The following SARDH variants were observed in gnomAD, a reference collection of about 807,000 sequenced individuals.
The protein encoded by SARDH is sarcosine dehydrogenase, also known as sarcosine dehydrogenase, mitochondrial.
In SARDH, 95 loss-of-function variants were observed where a neutral mutation model predicts 109.1. The observed-to-expected ratio is 0.87, with a 90% CI of 0.74 to 1.03. The LOEUF is 1.03. Ranked by LOEUF, SARDH falls within the 50% of genes least tolerant of loss-of-function variation. SARDH has a pLI of 0.00. For missense variants in SARDH, 1,267 were observed against 1,287.8 expected, an observed-to-expected ratio of 0.98 and a Z score of 0.25; for synonymous variants, 572 against 534.8, an observed-to-expected ratio of 1.07 and a Z score of -0.96.
chr9:133,709,383 C>T lies in SARDH; in HGVS notation c.1329-955G>A, dbSNP rs746805992. Among the ~76,000 whole-genome samples the T allele has an allele frequency of 1.4e-4, 21 of 152,198 alleles. No individual in the cohort carries two copies. Among genetic ancestry groups the T allele is most frequent in the African/African-American group, 4.3e-4 (18 of 41,538 alleles). On this transcript the variant is annotated intron_variant, in intron 10 of 20. Coordinates refer to ENST00000439388, the MANE Select transcript of SARDH (RefSeq NM_001134707.2). The surrounding 1 kb of genome is among the most constrained non-coding windows in gnomAD (Gnocchi z 4.2). ...CGGAACTGCTGGCTGGAGTGAGACC[C>T]GGGCCCAGCTGCATCAGGGCCCTGC...
At chr9:133,676,106 AC>A (rs67447133) in intron 17 of SARDH, among the ~76,000 whole-genome samples, 57,383 of 150,528 alleles carry the variant, frequency 0.38, 13,385 homozygotes, top group African/African-American at 0.65. Context: ...AAAAAAAAAA[AC>A]ACACACCAAA....
intron 15 of SARDH, 105 bp downstream of exon 15, chr9:133,694,153 G>A: frequency 1.2e-6 from 1 of 806,296 alleles, no homozygotes; most frequent in Non-Finnish European, 1.9e-6. Flanking sequence ...GCTAATGACA[G>A]AGCTGCCGTC....
At position 133,717,367 on chromosome 9, in the gene SARDH, A is replaced by T. The variant is rs772418264; in HGVS notation, c.1109T>A (p.Val370Glu). Residue 370 changes from valine to glutamate, a missense_variant, in exon 8 of 21, where the codon GTG becomes GAG. By Grantham distance (121) the Val-to-Glu change is moderately radical. Coordinates refer to ENST00000439388, the MANE Select transcript of SARDH (RefSeq NM_001134707.2). The part of the protein sequence containing the change: ...HIEGAINRVP[V>E]LEKTGIKSTV... ...GGACTTGATTCCTGTCTTCTCCAGC[A>T]CGGGGACCCTGTTGATGGCGCCTTC... The T allele has an allele frequency of 3.1e-6, 5 of 1,614,108 alleles. No individual in the cohort carries two copies. In the South Asian group the frequency reaches 5.5e-5, roughly 18 times the overall value.
chr9:133,714,973 T>G (rs1163834527), intron 8 of SARDH, among the ~76,000 whole-genome samples: 3 of 152,150 alleles, frequency 2.0e-5, no homozygotes, highest in Non-Finnish European at 4.4e-5. Flanking sequence ...CTTGGATGTT[T>G]CACAAATGAC....
chr9:133,681,347 G>A lies in SARDH; in HGVS notation c.2163+3846C>T, dbSNP rs372844987. On this transcript the variant is annotated intron_variant, in intron 17 of 20. Coordinates refer to ENST00000439388, the MANE Select transcript of SARDH (RefSeq NM_001134707.2). Reference sequence around the variant, plus strand: ...TTCTAGCCAAGAGGTCGAGACACTCGGGGCCTTGCCCCACCCTGTCTGGTT... The same window carrying A: ...TTCTAGCCAAGAGGTCGAGACACTCAGGGCCTTGCCCCACCCTGTCTGGTT... 1.1e-4 allele frequency among the ~76,000 whole-genome samples: 16 copies of A among 152,322 alleles called. No individual in the cohort carries two copies. The East Asian group carries it at 1.7e-3, about 17-fold the overall frequency.
chr9:133,691,020 T>C (rs756682), intron 15 of SARDH, among the ~76,000 whole-genome samples: 58,159 of 152,040 alleles, frequency 0.38, 11,277 homozygotes, highest in Middle Eastern at 0.44. Flanking sequence ...CTGCTCCCTC[T>C]CTTCTTCCTC....
intron 15 of SARDH, among the ~76,000 whole-genome samples, chr9:133,691,785 C>G (rs1437202658): frequency 1.3e-5 from 2 of 152,166 alleles, no homozygotes; most frequent in Non-Finnish European, 2.9e-5. Flanking sequence ...ATAACTCAAA[C>G]AGTGCAGTTT....
In SARDH at chr9:133,694,371, C is replaced by T. The variant is rs1466770757; in HGVS notation, c.1808G>A (p.Gly603Asp). ...GAGCATGCACGTGTACACGGTGGAG[C>T]CTGCGAGAGGGAGAAGGAAGCCGGG... is the stretch of plus-strand genomic sequence containing the variant. ...LFSADVSRPP[G>D]STVYTCMLNH... The change falls in exon 15 of 21, where the codon GGC (glycine) becomes GAC (aspartate). Residue 603 changes from glycine (G) to aspartate (D), a missense_variant and splice_region_variant. Transcript: ENST00000439388. 9 of 1,550,068 alleles carry T rather than the reference C, an allele frequency of 5.8e-6. No individual in the cohort carries two copies. The highest frequency in any genetic ancestry group is 2.0e-5 in the Admixed American group (1 of 50,974).
intron 16 of SARDH, among the ~76,000 whole-genome samples, chr9:133,688,096 C>T (rs129903): frequency 0.38 from 58,446 of 152,060 alleles, 11,325 homozygotes; most frequent in Middle Eastern, 0.45. Context: ...CTGTCCAAGG[C>T]TGGCGTGGCA....
chr9:133,661,850 T>C (rs552856433), downstream of SARDH, among the ~76,000 whole-genome samples: 16 of 152,312 alleles, frequency 1.1e-4, no homozygotes, highest in South Asian at 2.3e-3. Flanking sequence ...GTGAGCGTCA[T>C]GGTATCAATA....
chr9:133,718,931 A>G lies in SARDH; in HGVS notation c.1020+7T>C. 1 of 1,609,124 alleles carries G rather than the reference A, an allele frequency of 6.2e-7. No individual in the cohort carries two copies. Among genetic ancestry groups the G allele is most frequent in the East Asian group, 2.2e-5 (1 of 44,836 alleles). ...CCTCCCATTATCCCAGGGCCCTGGCATCTTACCTCCTCCCAAAAGATGGGG... is the reference window on the plus strand; with the variant it reads ...CCTCCCATTATCCCAGGGCCCTGGCGTCTTACCTCCTCCCAAAAGATGGGG... On this transcript the variant is annotated splice_region_variant and intron_variant, in intron 7 of 20. Transcript: ENST00000439388. This position sits in a 1 kb window ranked among gnomAD's most constrained non-coding sequence, Gnocchi z 4.2.
chr9:133,670,314 G>A (rs998181854), intron 19 of SARDH, among the ~76,000 whole-genome samples: 13 of 137,186 alleles, frequency 9.5e-5, no homozygotes, highest in African/African-American at 3.4e-4. Flanking sequence ...GGGCAATAGA[G>A]TGAGACTCCG....
downstream of SARDH, among the ~76,000 whole-genome samples, chr9:133,662,453 C>G (rs1829913871): frequency 6.6e-6 from 1 of 152,134 alleles, no homozygotes; most frequent in Non-Finnish European, 1.5e-5. This position sits in a 1 kb window ranked among gnomAD's most constrained non-coding sequence, Gnocchi z 5.1. Flanking sequence ...GCTGTCTCAT[C>G]CAGAAGCCAG....
intron 6 of SARDH, among the ~76,000 whole-genome samples, chr9:133,725,153 A>C (rs10993778): frequency 0.21 from 31,861 of 152,168 alleles, 3,525 homozygotes; most frequent in Middle Eastern, 0.26. Flanking sequence ...AACGTCCAGA[A>C]TAGGAAACTC....
intron 1 of SARDH, among the ~76,000 whole-genome samples, chr9:133,736,375 TTTG>T (rs746043476): frequency 0.024 from 3,434 of 144,856 alleles, 66 homozygotes; most frequent in Middle Eastern, 0.049. Context: ...TAAATTCTGT[TTTG>T]TTGTTGTTGT....
intron 6 of SARDH, among the ~76,000 whole-genome samples, chr9:133,722,676 TC>T: frequency 6.7e-6 from 1 of 149,922 alleles, no homozygotes; most frequent in East Asian, 2.0e-4. Flanking sequence ...TCTCTCTCTC[TC>T]TTTCTCTCTT....
Position 133,733,767 on chromosome 9 carries a change from G to C in SARDH, c.331+76C>G. On this transcript the variant is annotated intron_variant, in intron 2 of 20. Coordinates refer to ENST00000439388, the MANE Select transcript of SARDH (RefSeq NM_001134707.2). ...GGCTGGTTGTTGTGAACCAAGAACT[G>C]TCCCAGCTAGCAATGGGCTGTGGCC... 6 of 1,330,810 alleles carry C rather than the reference G, an allele frequency of 4.5e-6. No homozygotes were observed. The South Asian group carries it at 5.2e-5, about 11-fold the overall frequency. The allele number at this position is 1,330,810 out of a possible 1,614,324, so 82.4% of individuals were successfully genotyped here. A position where few individuals can be genotyped will look rare whatever the true frequency, so the allele number is the denominator to read the frequency against.
intron 17 of SARDH, among the ~76,000 whole-genome samples, chr9:133,676,982 T>C (rs1469476026): frequency 6.6e-6 from 1 of 152,064 alleles, no homozygotes; most frequent in Non-Finnish European, 1.5e-5. Flanking sequence ...CTACTAAAAA[T>C]ACAAAAATTA....
At chr9:133,720,350 C>T (rs1322526303) in intron 6 of SARDH, among the ~76,000 whole-genome samples, 1 of 152,134 alleles carries the variant, frequency 6.6e-6, no homozygotes, top group Non-Finnish European at 1.5e-5. Context: ...ATGGCTTGAA[C>T]CTGGGAGGCG....
Sources: allele counts gnomAD v4.1 joint callset (sites outside exome capture counted in the v4.1 genomes callset), GRCh38; gene constraint gnomAD v4.1.1; non-coding constraint Gnocchi (gnomAD v3.1); transcripts MANE v1.5; gene names NCBI Gene and HGNC (gene_info 2026-07-23, HGNC 2026-07-21).